MAGI1: variants seen among roughly 807,000 people sequenced by gnomAD.
The protein encoded by MAGI1 is membrane-associated guanylate kinase, WW and PDZ domain-containing protein 1.
In MAGI1, 58 loss-of-function variants were observed where a neutral mutation model predicts 139.9. The ratio of observed to expected loss-of-function variants is 0.41; its 90% CI spans 0.34 to 0.52. MAGI1 has a LOEUF of 0.52. Among genes scored for constraint, MAGI1 ranks in the 20% least tolerant of loss-of-function variants. MAGI1 has a pLI of 0.12. For missense variants in MAGI1, 1,874 were observed against 1,901.6 expected (o/e 0.99, Z 0.27); for synonymous variants, 812 against 737.9 (o/e 1.10, Z -1.63).
chr3:65,882,193 G>A (rs1396180068), intron 1 of MAGI1, among the ~76,000 whole-genome samples: 1 of 152,176 alleles, frequency 6.6e-6, no homozygotes, highest in Non-Finnish European at 1.5e-5. Flanking sequence ...CCCTTTGTGA[G>A]GCTCCTTGGG....
chr3:65,760,560 A>G (rs183137316), intron 1 of MAGI1, among the ~76,000 whole-genome samples: 1 of 152,034 alleles, frequency 6.6e-6, no homozygotes, highest in Admixed American at 6.6e-5. Context: ...GGCACACACC[A>G]CTACGCCCAA....
chr3:65,500,228 G>C (rs926795181), intron 2 of MAGI1, among the ~76,000 whole-genome samples: 5 of 152,068 alleles, frequency 3.3e-5, no homozygotes, highest in Admixed American at 6.6e-5. Flanking sequence ...ACCCCAAACT[G>C]CTCATCACTT....
chr3:65,707,231 A>G (rs1296918763), intron 1 of MAGI1, among the ~76,000 whole-genome samples: 1 of 152,196 alleles, frequency 6.6e-6, no homozygotes, highest in Non-Finnish European at 1.5e-5. Flanking sequence ...GCCATTTCAC[A>G]CTTCCAAATT....
chr3:66,008,070 T>C (rs1028181542), intron 1 of MAGI1, among the ~76,000 whole-genome samples: 4 of 152,096 alleles, frequency 2.6e-5, no homozygotes, highest in African/African-American at 9.7e-5. Flanking sequence ...CTAATTTGTG[T>C]ATTTTTAGTA....
chr3:65,762,547 C>T (rs1468772438), intron 1 of MAGI1, among the ~76,000 whole-genome samples: 1 of 152,138 alleles, frequency 6.6e-6, no homozygotes, highest in African/African-American at 2.4e-5. Context: ...GGGTGAACTA[C>T]TCATTGTTCA....
At chr3:65,561,630 GT>G (rs531084674) in intron 2 of MAGI1, among the ~76,000 whole-genome samples, 14 of 152,230 alleles carry the variant, frequency 9.2e-5, no homozygotes, top group Admixed American at 8.5e-4. Context: ...CTGAAAAGGA[GT>G]TTTAGAAATA....
intron 2 of MAGI1, among the ~76,000 whole-genome samples, chr3:65,593,305 C>T (rs368356042): frequency 6.6e-6 from 1 of 152,150 alleles, no homozygotes; most frequent in Non-Finnish European, 1.5e-5. Flanking sequence ...CAGTCTTTGT[C>T]AAATTTGTAG....
At chr3:65,496,094 T>G (rs1043074812) in intron 2 of MAGI1, among the ~76,000 whole-genome samples, 1 of 152,102 alleles carries the variant, frequency 6.6e-6, no homozygotes, top group Non-Finnish European at 1.5e-5. Context: ...CAGGCTGGAG[T>G]GCACTGGAGG....
At chr3:66,003,654 G>C (rs115847592) in intron 1 of MAGI1, among the ~76,000 whole-genome samples, 2,141 of 152,124 alleles carry the variant, frequency 0.014, 27 homozygotes, top group Non-Finnish European at 0.023. Context: ...CTGTATTTCA[G>C]AGATGGGGTT....
chr3:65,864,996 C>T (rs112730634), intron 1 of MAGI1, among the ~76,000 whole-genome samples: 1,919 of 152,214 alleles, frequency 0.013, 40 homozygotes, highest in African/African-American at 0.044. Flanking sequence ...ATCCACACAC[C>T]TACGTACATA....
At chr3:65,625,999 C>G (rs973128560) in intron 1 of MAGI1, among the ~76,000 whole-genome samples, 1 of 152,160 alleles carries the variant, frequency 6.6e-6, no homozygotes, top group Middle Eastern at 3.2e-3. Context: ...TACCTGCTAA[C>G]TCCAGCTTGA....
intron 1 of MAGI1, chr3:65,874,599 A>T (rs1257072852): frequency 6.6e-6 from 1 of 152,224 alleles, no homozygotes; most frequent in African/African-American, 2.4e-5. Flanking sequence ...TGATTGGTGT[A>T]CAAAGACAGG....
chr3:65,895,017 G>T (rs889780894), intron 1 of MAGI1, among the ~76,000 whole-genome samples: 2 of 152,182 alleles, frequency 1.3e-5, no homozygotes, highest in Non-Finnish European at 2.9e-5. Context: ...GGTTGGAAAC[G>T]GAGGTGCTAG....
intron 1 of MAGI1, among the ~76,000 whole-genome samples, chr3:65,817,753 C>A (rs1256525386): frequency 2.0e-5 from 3 of 152,168 alleles, no homozygotes; most frequent in Admixed American, 6.5e-5. Context: ...ATCAAAGTAA[C>A]AACTACTGCT....
intron 2 of MAGI1, among the ~76,000 whole-genome samples, chr3:65,559,807 G>A (rs1340920499): frequency 2.0e-5 from 3 of 152,176 alleles, no homozygotes; most frequent in Admixed American, 2.0e-4. Context: ...GAGGCCAGCA[G>A]GAGGATCCCT....
At chr3:65,627,379 T>A (rs1183676312) in intron 1 of MAGI1, among the ~76,000 whole-genome samples, 1 of 151,840 alleles carries the variant, frequency 6.6e-6, no homozygotes, top group Non-Finnish European at 1.5e-5. Context: ...TAGAACTTTT[T>A]CCAAGAAAGG....
chr3:66,003,040 T>C (rs2066830730), intron 1 of MAGI1, among the ~76,000 whole-genome samples: 1 of 151,988 alleles, frequency 6.6e-6, no homozygotes, highest in Non-Finnish European at 1.5e-5. Context: ...TCTATAGTCA[T>C]GTATTTAGGC....
intron 2 of MAGI1, among the ~76,000 whole-genome samples, chr3:65,535,932 T>C (rs1041333002): frequency 2.0e-5 from 3 of 152,198 alleles, no homozygotes; most frequent in East Asian, 1.9e-4. Flanking sequence ...TTTTAAAATA[T>C]AGAGTAAGAC....
intron 12 of MAGI1, among the ~76,000 whole-genome samples, chr3:65,412,892 G>T (rs1945901468): frequency 6.6e-6 from 1 of 152,174 alleles, no homozygotes; most frequent in South Asian, 2.1e-4. Flanking sequence ...TGAAAGCTCA[G>T]AGGGAAACAC....
Sources: allele counts gnomAD v4.1 joint callset (sites outside exome capture counted in the v4.1 genomes callset), GRCh38; gene constraint gnomAD v4.1.1; transcripts MANE v1.5; gene names NCBI Gene and HGNC (gene_info 2026-07-23, HGNC 2026-07-21).